The following PDE1C variants were observed in gnomAD, a reference collection of about 807,000 sequenced individuals.
PDE1C encodes phosphodiesterase 1C, also known as dual specificity calcium/calmodulin-dependent 3',5'-cyclic nucleotide phosphodiesterase 1C.
In PDE1C, 62 loss-of-function variants were observed where a neutral mutation model predicts 93.1. The ratio of observed to expected loss-of-function variants is 0.67; its 90% CI spans 0.54 to 0.82. The LOEUF (loss-of-function observed/expected upper bound fraction) is 0.82, where lower values mean the gene tolerates loss of function less well. Ranked by LOEUF, PDE1C falls within the 40% of genes least tolerant of loss-of-function variation. The pLI is 0.00. For synonymous variants in PDE1C, 325 were observed against 310.1 expected, an observed-to-expected ratio of 1.05 and a Z score of -0.50; for missense variants, 742 against 884.6, an observed-to-expected ratio of 0.84 and a Z score of 2.04.
chr7:32,378,662 C>T (rs1038064891), intron 1 of PDE1C, among the ~76,000 whole-genome samples: 6 of 152,300 alleles, frequency 3.9e-5, no homozygotes, highest in African/African-American at 1.4e-4. Flanking sequence ...TGACACCCAT[C>T]ACTCCAACTG....
At chr7:32,108,433 C>CCA (rs10696295) in intron 3 of PDE1C, among the ~76,000 whole-genome samples, 68,734 of 146,522 alleles carry the variant, frequency 0.47, 15,961 homozygotes, top group Middle Eastern at 0.51. Flanking sequence ...AGAAAAAAAA[C>CCA]CACACACACA....
At chr7:32,049,234 G>A (rs1001481503) in intron 2 of PDE1C, among the ~76,000 whole-genome samples, 3 of 152,130 alleles carry the variant, frequency 2.0e-5, no homozygotes, top group African/African-American at 7.2e-5. Flanking sequence ...TTAGCCATCT[G>A]TACAAGCTCT....
At chr7:31,821,560 G>C (rs1788963960) in intron 14 of PDE1C, among the ~76,000 whole-genome samples, 2 of 152,114 alleles carry the variant, frequency 1.3e-5, no homozygotes, top group African/African-American at 4.8e-5. Context: ...TGCCAACAGG[G>C]AAGATTGAAA....
At chr7:32,374,198 G>GAT (rs1562695850) in intron 1 of PDE1C, among the ~76,000 whole-genome samples, 1 of 130,194 alleles carries the variant, frequency 7.7e-6, no homozygotes, top group African/African-American at 3.5e-5. Context: ...AAGAAAGAGA[G>GAT]GGAAAGAGAG....
the PDE1C span, among the ~76,000 whole-genome samples, chr7:31,723,441 A>C: frequency 6.6e-6 from 1 of 152,102 alleles, no homozygotes; most frequent in East Asian, 1.9e-4. Flanking sequence ...CCTGCCTGGC[A>C]CTCTAGTGTC....
chr7:31,707,353 G>A, the PDE1C span: 1 of 1,312,088 alleles, frequency 7.6e-7, no homozygotes, highest in Non-Finnish European at 1.1e-6. Flanking sequence ...AGAAAAAATA[G>A]ACTTGTTTCT....
At chr7:32,070,425 C>A, upstream of PDE1C, 1 of 1,613,328 alleles carries the variant, frequency 6.2e-7, no homozygotes, top group Non-Finnish European at 8.5e-7. Context: ...GGCGGTGAAG[C>A]TGAGATAGTT....
the PDE1C span, chr7:31,651,980 G>A: frequency 6.2e-7 from 1 of 1,605,464 alleles, no homozygotes. Context: ...GAGGCCCTGA[G>A]GCAGCAGGTG....
the PDE1C span, among the ~76,000 whole-genome samples, chr7:31,685,335 T>C: frequency 1.3e-5 from 2 of 152,210 alleles, no homozygotes; most frequent in Admixed American, 1.3e-4. Flanking sequence ...ATGTTCTGTA[T>C]ATATTCATGT....
the PDE1C span, among the ~76,000 whole-genome samples, chr7:31,637,125 C>G: frequency 6.6e-6 from 1 of 151,934 alleles, no homozygotes; most frequent in African/African-American, 2.4e-5. Context: ...TTTTCTTAAT[C>G]CAGTCTATCG....
At chr7:31,740,590 A>G in the PDE1C span, among the ~76,000 whole-genome samples, 14 of 152,202 alleles carry the variant, frequency 9.2e-5, no homozygotes, top group African/African-American at 3.4e-4. Flanking sequence ...CACATTACCC[A>G]AAGAGAGTTC....
At chr7:31,648,106 G>A in the PDE1C span, among the ~76,000 whole-genome samples, 1 of 152,088 alleles carries the variant, frequency 6.6e-6, no homozygotes, top group Admixed American at 6.6e-5. Flanking sequence ...TAAGATTTCT[G>A]AATATTAGAA....
intron 17 of PDE1C, among the ~76,000 whole-genome samples, chr7:31,766,924 T>C (rs779910407): frequency 2.0e-5 from 3 of 152,250 alleles, no homozygotes; most frequent in Admixed American, 6.5e-5. Context: ...TCTTTTACTA[T>C]GCATTAGCAA....
intron 16 of PDE1C, among the ~76,000 whole-genome samples, chr7:31,780,661 A>C (rs1260591543): frequency 6.6e-6 from 1 of 152,244 alleles, no homozygotes; most frequent in Non-Finnish European, 1.5e-5. Flanking sequence ...CATCAATGTC[A>C]GGACAATAAT....
intron 1 of PDE1C, among the ~76,000 whole-genome samples, chr7:32,287,423 C>T (rs970061212): frequency 6.6e-6 from 1 of 152,194 alleles, no homozygotes; most frequent in African/African-American, 2.4e-5. Context: ...TCCCAATCCC[C>T]AGACAAATTA....
intron 2 of PDE1C, among the ~76,000 whole-genome samples, chr7:32,208,715 C>T (rs568776447): frequency 6.6e-6 from 1 of 152,114 alleles, no homozygotes; most frequent in East Asian, 1.9e-4. Flanking sequence ...AGTATTTTCC[C>T]CCCCCTTCTT....
At chr7:31,948,105 C>T (rs1179549542) in intron 2 of PDE1C, among the ~76,000 whole-genome samples, 1 of 152,208 alleles carries the variant, frequency 6.6e-6, no homozygotes, top group African/African-American at 2.4e-5. Flanking sequence ...TGCTAGTCCT[C>T]GATCACAGCT....
chr7:31,618,831 G>A, the PDE1C span, among the ~76,000 whole-genome samples: 1 of 152,174 alleles, frequency 6.6e-6, no homozygotes, highest in African/African-American at 2.4e-5. Context: ...CAAATTATAT[G>A]CCGCAAATAT....
intron 7 of PDE1C, among the ~76,000 whole-genome samples, chr7:31,863,202 A>G (rs573062800): frequency 3.6e-4 from 55 of 152,006 alleles, no homozygotes; most frequent in Non-Finnish European, 7.4e-4. Context: ...GAGGCTCTTT[A>G]TAGGTGATTT....
Sources: gnomAD v4.1 joint callset for allele counts (sites outside exome capture counted in the v4.1 genomes callset) on GRCh38, gnomAD v4.1.1 for gene constraint, MANE v1.5 for transcripts, NCBI Gene and HGNC (gene_info 2026-07-23, HGNC 2026-07-21) for gene names.